Variants in SMC1B observed in about 807,000 individuals in gnomAD.
SMC1B encodes the protein structural maintenance of chromosomes 1B.
A neutral mutation model predicts 157.9 loss-of-function variants in SMC1B; 60 were observed. The observed-to-expected ratio is 0.38, with a 90% confidence interval of 0.31 to 0.47. SMC1B has a LOEUF of 0.47. Ranked by LOEUF, SMC1B falls within the 20% of genes least tolerant of loss-of-function variation. The pLI, the probability that SMC1B is intolerant of heterozygous loss-of-function variation, is 0.99. For missense variants in SMC1B, 1,165 were observed against 1,426.2 expected (o/e 0.82, Z 2.95); for synonymous variants, 445 against 483.0 (o/e 0.92, Z 1.03).
chr22:45,411,142 T>A (rs1232548053), intron 1 of SMC1B, among the ~76,000 whole-genome samples: 1 of 152,232 alleles, frequency 6.6e-6, no homozygotes, highest in Non-Finnish European at 1.5e-5. Flanking sequence ...AAGGTTATAG[T>A]CTGTCAAGAG....
At chr22:45,381,777 C>A (rs913361599) in intron 12 of SMC1B, among the ~76,000 whole-genome samples, 2 of 152,136 alleles carry the variant, frequency 1.3e-5, no homozygotes, top group Admixed American at 6.6e-5. Context: ...TTGTTAAAAT[C>A]TTTAAAAGCT....
chr22:45,389,811 G>A lies in SMC1B; in HGVS notation c.1632C>T (p.Ala544=). The change falls in exon 10 of 25, where the codon GCC becomes GCT. Residue 544 remains alanine, a synonymous_variant. Coordinates refer to ENST00000357450, the MANE Select transcript of SMC1B (RefSeq NM_148674.5). ...CTACCTTTTCAGAGGCTACAACAAT[G>A]GCAGTGATGAACCGGCCAAAAACCT... The part of the protein sequence containing the change: ...VTKVFGRFIT[A]IVVASEKVAK... 1 of 1,614,040 alleles carries A rather than the reference G, an allele frequency of 6.2e-7. No individual in the cohort carries two copies. Among genetic ancestry groups the A allele is most frequent in the Non-Finnish European group, 8.5e-7 (1 of 1,179,930 alleles).
At position 45,377,910 on chromosome 22, in the gene SMC1B, A is replaced by G. The variant is rs575560016; in HGVS notation, c.2058+5557T>C. 2.6e-5 allele frequency among the ~76,000 whole-genome samples: 4 copies of G among 151,830 alleles called. No individual in the cohort carries two copies. The East Asian group carries it at 7.8e-4, about 30-fold the overall frequency. ...GTTACCCAGGTTAAAGTGCAGTGGC[A>G]TAATCACTGCTCACTGCAGCCTTGA... On this transcript the variant is annotated intron_variant, in intron 12 of 24. Transcript: ENST00000357450.
Position 45,387,016 on chromosome 22 carries a change from G to A in SMC1B, c.1762C>T (p.Leu588Phe), listed in dbSNP as rs765899623. The change falls in exon 11 of 25, where the codon CTT (leucine) becomes TTT (phenylalanine). Residue 588 changes from leucine (L) to phenylalanine (F), a missense_variant. Coordinates refer to ENST00000357450, the MANE Select transcript of SMC1B (RefSeq NM_148674.5). Reference sequence around the variant, plus strand: ...TCAATCACCATTTTACAGCCTTTAAGCTCCCTTAGTCTTTCATTGATTGGC... The same window carrying A: ...TCAATCACCATTTTACAGCCTTTAAACTCCCTTAGTCTTTCATTGATTGGC... ...IKPINERLRE[L>F]KGCKMVIDVI... The A allele has an allele frequency of 5.6e-6, 9 of 1,613,638 alleles. No homozygotes were observed. Among genetic ancestry groups the A allele is most frequent in the African/African-American group, 1.3e-5 (1 of 75,000 alleles).
At chr22:45,400,108 A>T (rs980159035) in intron 5 of SMC1B, among the ~76,000 whole-genome samples, 4 of 152,198 alleles carry the variant, frequency 2.6e-5, no homozygotes, top group Non-Finnish European at 5.9e-5. Context: ...AATAGTATAC[A>T]CAGGTATTTC....
intron 10 of SMC1B, among the ~76,000 whole-genome samples, chr22:45,387,413 G>C (rs2087001222): frequency 6.6e-6 from 1 of 152,056 alleles, no homozygotes; most frequent in South Asian, 2.1e-4. Context: ...TCGCGCTACT[G>C]CACTCCAGCC....
chr22:45,358,907 T>C (rs1345349786), intron 18 of SMC1B, 112 bp from the exon 19 acceptor site: 33 of 647,868 alleles, frequency 5.1e-5, no homozygotes, highest in Non-Finnish European at 7.0e-5. Flanking sequence ...ATCAGTTATA[T>C]AGATCACCTT....
intron 12 of SMC1B, among the ~76,000 whole-genome samples, chr22:45,378,447 T>G (rs963479324): frequency 6.6e-6 from 1 of 152,204 alleles, no homozygotes; most frequent in Non-Finnish European, 1.5e-5. Context: ...ATCTCACATT[T>G]ATTGAGCACT....
chr22:45,354,159 T>G (rs776675258), intron 20 of SMC1B, 27 bp from the exon 21 acceptor site: 1 of 1,508,802 alleles, frequency 6.6e-7, no homozygotes, highest in Non-Finnish European at 8.8e-7. Flanking sequence ...GTTCTTTATT[T>G]TAGAGACCAC....
At position 45,410,609 on chromosome 22, in the gene SMC1B, A is replaced by G. The variant is rs113566903; in HGVS notation, c.110-1711T>C. Among the ~76,000 whole-genome samples, 1,064 of 152,324 alleles carry G rather than the reference A, an allele frequency of 7.0e-3. 18 individuals carry two copies. Among genetic ancestry groups the G allele is most frequent in the African/African-American group, 0.024 (1,008 of 41,562 alleles). ...TCCCAGCTACTCGGGAGGCTGAGGC[A>G]GAAGAATCACTTGGATCCAGAAGGC... On this transcript the variant is annotated intron_variant, in intron 1 of 24. Coordinates refer to ENST00000357450, the MANE Select transcript of SMC1B (RefSeq NM_148674.5).
At position 45,351,710 on chromosome 22, in the gene SMC1B, GCTAA is replaced by G. The variant is rs528926467; in HGVS notation, c.3425+737_3425+740del. On this transcript the variant is annotated intron_variant, in intron 22 of 24. Coordinates refer to ENST00000357450, the MANE Select transcript of SMC1B (RefSeq NM_148674.5). ...CTACAGACATGTGTCACCACATCTG[GCTAA>G]CTTTTTTCTATTTTCTGTAGACACG... 5.3e-4 allele frequency among the ~76,000 whole-genome samples: 81 copies of G among 152,224 alleles called. 1 individual carries two copies. The South Asian group carries it at 0.016, about 31-fold the overall frequency.
At chr22:45,366,124 A>G (rs571094280) in intron 15 of SMC1B, among the ~76,000 whole-genome samples, 1 of 152,162 alleles carries the variant, frequency 6.6e-6, no homozygotes, top group Non-Finnish European at 1.5e-5. Flanking sequence ...CCCAGGTTCA[A>G]GCAATTCTCT....
chr22:45,385,259 A>G (rs1239006631), intron 11 of SMC1B, among the ~76,000 whole-genome samples: 2 of 152,172 alleles, frequency 1.3e-5, no homozygotes, highest in African/African-American at 4.8e-5. Context: ...TTTGTAGTTT[A>G]CAGATACTGT....
chr22:45,413,092 G>T (rs2087368271), intron 1 of SMC1B, among the ~76,000 whole-genome samples: 1 of 152,008 alleles, frequency 6.6e-6, no homozygotes, highest in Admixed American at 6.5e-5. Context: ...GAGATGAAGG[G>T]CGAGGGCCGG....
chr22:45,410,358 A>G (rs1249611925), intron 1 of SMC1B, among the ~76,000 whole-genome samples: 1 of 152,112 alleles, frequency 6.6e-6, no homozygotes, highest in African/African-American at 2.4e-5. Context: ...AGCTGTCACC[A>G]TCACTATTAT....
At chr22:45,409,597 TAAATAAATAAATAAAA>T (rs1378764853) in intron 1 of SMC1B, among the ~76,000 whole-genome samples, 7 of 83,366 alleles carry the variant, frequency 8.4e-5, no homozygotes, top group Non-Finnish European at 1.4e-4. Context: ...AATAAATAAA[TAAATAAATAAATAAAA>T]ACAAGAGAAG....
intron 12 of SMC1B, among the ~76,000 whole-genome samples, 194 bp from the exon 13 acceptor site, chr22:45,372,486 C>G (rs1300791015): frequency 1.3e-5 from 2 of 152,024 alleles, no homozygotes; most frequent in South Asian, 4.2e-4. Context: ...ATACAGCTTC[C>G]TCAAAAAAAC....
At chr22:45,408,568 T>C in intron 2 of SMC1B, 142 bp downstream of exon 2, 1 of 535,920 alleles carries the variant, frequency 1.9e-6, no homozygotes, top group Non-Finnish European at 3.2e-6. Context: ...TACTTGCTTC[T>C]GAGATATGCT....
intron 18 of SMC1B, 45 bp downstream of exon 18, chr22:45,359,760 A>C (rs1438245852): frequency 6.3e-7 from 1 of 1,584,760 alleles, no homozygotes; most frequent in East Asian, 2.2e-5. Flanking sequence ...CAATGCATTA[A>C]GTTCCACACA....
Sources: allele counts gnomAD v4.1 joint callset (sites outside exome capture counted in the v4.1 genomes callset), GRCh38; gene constraint gnomAD v4.1.1; transcripts MANE v1.5; gene names NCBI Gene and HGNC (gene_info 2026-07-23, HGNC 2026-07-21).